The following GRID2 variants were observed in gnomAD, a reference collection of about 807,000 sequenced individuals.
GRID2 encodes glutamate ionotropic receptor delta type subunit 2.
GRID2 carries 33 observed loss-of-function variants against 114.8 expected under a neutral mutation model. The ratio of observed to expected loss-of-function variants is 0.29; its 90% CI spans 0.22 to 0.38. The LOEUF is 0.38. GRID2 is among the 10% of genes least tolerant of loss of function. The probability of loss-of-function intolerance (pLI) is 1.00; values close to 1 mark genes in which losing one functional copy is unlikely to be tolerated. For synonymous variants in GRID2, 505 were observed against 449.9 expected, an observed-to-expected ratio of 1.12 and a Z score of -1.55; for missense variants, 1,184 against 1,257.7, an observed-to-expected ratio of 0.94 and a Z score of 0.89.
At chr4:93,010,897 T>C (rs938754066) in intron 2 of GRID2, among the ~76,000 whole-genome samples, 2 of 152,132 alleles carry the variant, frequency 1.3e-5, no homozygotes, top group African/African-American at 4.8e-5. Flanking sequence ...ATGGCACTTA[T>C]ATGCCATTTA....
At chr4:92,646,888 C>CTTTTTTT (rs33921659) in intron 2 of GRID2, among the ~76,000 whole-genome samples, 1 of 56,144 alleles carries the variant, frequency 1.8e-5, no homozygotes, top group African/African-American at 5.7e-5. Flanking sequence ...TCTTTGAATT[C>CTTTTTTT]TTTTTTTTTT....
chr4:93,515,498 T>G (rs764732785), intron 13 of GRID2, 87 bp downstream of exon 13: 27 of 870,908 alleles, frequency 3.1e-5, no homozygotes, highest in Non-Finnish European at 4.5e-5. Context: ...TTTTTTGTTT[T>G]GTTTTTTGTT....
At chr4:93,677,263 C>T (rs1234675542) in intron 14 of GRID2, among the ~76,000 whole-genome samples, 1 of 152,196 alleles carries the variant, frequency 6.6e-6, no homozygotes, top group Non-Finnish European at 1.5e-5. Flanking sequence ...CTTAGGTAAA[C>T]AAAGCAGCTG....
chr4:92,331,746 A>G (rs1211165994), intron 1 of GRID2, among the ~76,000 whole-genome samples: 1 of 152,202 alleles, frequency 6.6e-6, no homozygotes, highest in Non-Finnish European at 1.5e-5. Flanking sequence ...CTACATTTTA[A>G]TTTATACAGT....
chr4:92,855,299 T>A (rs1376859721), intron 2 of GRID2, among the ~76,000 whole-genome samples: 1 of 152,024 alleles, frequency 6.6e-6, no homozygotes, highest in Non-Finnish European at 1.5e-5. Flanking sequence ...AACCACAGTA[T>A]AAAGGAGAGA....
intron 14 of GRID2, among the ~76,000 whole-genome samples, chr4:93,696,605 C>A (rs764915944): frequency 1.2e-4 from 19 of 152,156 alleles, no homozygotes; most frequent in Non-Finnish European, 2.8e-4. Context: ...GCACAACCTG[C>A]AGGTTAGTTA....
chr4:92,327,334 T>C (rs2110137029), intron 1 of GRID2, among the ~76,000 whole-genome samples: 1 of 151,844 alleles, frequency 6.6e-6, no homozygotes, highest in East Asian at 1.9e-4. Flanking sequence ...AATATCAGTT[T>C]TTAACAACAT....
rs567055822 is a variant in GRID2 at position 92,935,931 on chromosome 4, T to G, written c.245-149064T>G. 3.0e-4 allele frequency among the ~76,000 whole-genome samples: 44 copies of G among 145,424 alleles called. 1 individual carries two copies. The highest frequency in any genetic ancestry group is 1.0e-3 in the African/African-American group (41 of 41,046). On this transcript the variant is annotated intron_variant, in intron 2 of 15. Transcript: ENST00000282020. ...GGATAGCATTAAGAGATATACCTAA[T>G]GCTAAATGAGGAGTTAATGGGTGCA...
At chr4:92,748,352 G>A (rs1467916456) in intron 2 of GRID2, among the ~76,000 whole-genome samples, 1 of 152,110 alleles carries the variant, frequency 6.6e-6, no homozygotes, top group Non-Finnish European at 1.5e-5. Context: ...TTGACATGGA[G>A]GACCAGCGAC....
chr4:92,809,515 T>C (rs1474597058), intron 2 of GRID2, among the ~76,000 whole-genome samples: 1 of 151,956 alleles, frequency 6.6e-6, no homozygotes, highest in Non-Finnish European at 1.5e-5. Flanking sequence ...CTTTCCTGAA[T>C]ATTTCAAATC....
intron 2 of GRID2, among the ~76,000 whole-genome samples, chr4:93,055,872 T>C (rs1183242301): frequency 6.6e-6 from 1 of 152,006 alleles, no homozygotes; most frequent in Non-Finnish European, 1.5e-5. Context: ...TCTGTCCTTG[T>C]AACTCATTTA....
intron 14 of GRID2, among the ~76,000 whole-genome samples, chr4:93,722,826 C>G (rs1207576301): frequency 6.6e-6 from 1 of 152,186 alleles, no homozygotes. Flanking sequence ...GCAGCCATAC[C>G]TATCTTTCTA....
intron 13 of GRID2, among the ~76,000 whole-genome samples, chr4:93,532,204 T>G (rs1461539640): frequency 6.6e-6 from 1 of 152,166 alleles, no homozygotes; most frequent in Non-Finnish European, 1.5e-5. Flanking sequence ...TTGGGCTAAT[T>G]CAATGAATAC....
intron 14 of GRID2, among the ~76,000 whole-genome samples, chr4:93,752,659 C>T (rs764207478): frequency 3.3e-5 from 5 of 152,126 alleles, no homozygotes; most frequent in Non-Finnish European, 5.9e-5. Context: ...CATGAGCCAC[C>T]GCGCCTGGCC....
At chr4:93,354,671 C>CGTGTGTGTGT (rs35452796) in intron 8 of GRID2, among the ~76,000 whole-genome samples, 1 of 130,284 alleles carries the variant, frequency 7.7e-6, no homozygotes, top group Non-Finnish European at 1.6e-5. Context: ...GTGGCTCATC[C>CGTGTGTGTGT]GTGTGTGTGT....
chr4:93,101,499 A>G (rs1731704988), intron 3 of GRID2, among the ~76,000 whole-genome samples: 1 of 152,088 alleles, frequency 6.6e-6, no homozygotes, highest in South Asian at 2.1e-4. Context: ...GTTGAGAAAT[A>G]TCTGCTTAGA....
At chr4:92,768,330 A>G (rs1032412137) in intron 2 of GRID2, among the ~76,000 whole-genome samples, 9 of 152,140 alleles carry the variant, frequency 5.9e-5, no homozygotes, top group African/African-American at 2.2e-4. Flanking sequence ...TTTACTTTTC[A>G]AAGTTGCCAT....
intron 14 of GRID2, among the ~76,000 whole-genome samples, chr4:93,756,768 GT>G (rs1264677861): frequency 1.2e-4 from 19 of 152,146 alleles, no homozygotes; most frequent in African/African-American, 4.6e-4. Context: ...GAGTGCTTTT[GT>G]TTTTTACGTC....
intron 2 of GRID2, among the ~76,000 whole-genome samples, chr4:92,627,060 C>T (rs1730557558): frequency 6.6e-6 from 1 of 151,926 alleles, no homozygotes. Flanking sequence ...TGAAGAGAAC[C>T]ATAGTGATCA....
Sources: allele counts gnomAD v4.1 joint callset (sites outside exome capture counted in the v4.1 genomes callset), GRCh38; gene constraint gnomAD v4.1.1; transcripts MANE v1.5; gene names NCBI Gene and HGNC (gene_info 2026-07-23, HGNC 2026-07-21).